The following TELO2 variants were observed in gnomAD, a reference collection of about 807,000 sequenced individuals.
The protein encoded by TELO2 is telomere maintenance 2, also known as telomere length regulation protein TEL2 homolog.
Under a neutral mutation model 91.0 loss-of-function variants are expected in TELO2, and 71 were observed. The ratio of observed to expected loss-of-function variants is 0.78; its 90% CI spans 0.64 to 0.95. The LOEUF is 0.95. Among genes scored for constraint, TELO2 ranks in the 40% least tolerant of loss-of-function variants. TELO2 has a pLI of 0.00. For synonymous variants in TELO2, 584 were observed against 518.9 expected, an observed-to-expected ratio of 1.13 and a Z score of -1.71; for missense variants, 1,183 against 1,141.3, an observed-to-expected ratio of 1.04 and a Z score of -0.53.
At position 1,502,743 on chromosome 16, in the gene TELO2, G is replaced by T. The variant is rs761765138; in HGVS notation, c.1752G>T (p.Thr584=). 6 of 1,612,208 alleles carry T rather than the reference G, an allele frequency of 3.7e-6. No homozygotes were observed. Among genetic ancestry groups the T allele is most frequent in the Admixed American group, 1.7e-5 (1 of 60,022 alleles). ...GCCAGAGAGCCCTGGTGGCCGTCACGGTCACAGACCCGGCCCCGGTGAGTT... is the reference window on the plus strand; with the variant it reads ...GCCAGAGAGCCCTGGTGGCCGTCACTGTCACAGACCCGGCCCCGGTGAGTT... The part of the protein sequence containing the change: ...GLRQRALVAV[T]VTDPAPVADY... The change falls in exon 14 of 21, where the codon ACG becomes ACT. Residue 584 remains threonine, a synonymous_variant. Coordinates refer to ENST00000262319, the MANE Select transcript of TELO2 (RefSeq NM_016111.4).
chr16:1,501,761 C>G lies in TELO2; in HGVS notation c.1460C>G (p.Ser487Trp), dbSNP rs554618494. 6.2e-7 allele frequency: 1 copy of G among 1,609,058 alleles called. No individual in the cohort carries two copies. Among genetic ancestry groups the G allele is most frequent in the South Asian group, 1.1e-5 (1 of 91,024 alleles). Residue 487 changes from serine to tryptophan, a missense_variant, in exon 11 of 21, where the codon TCG (serine) becomes TGG (tryptophan). Coordinates refer to ENST00000262319, the MANE Select transcript of TELO2 (RefSeq NM_016111.4). ...CAAGCACAGCTGGCGGGCTCTGACTCGGACCTGGACAGGTAGGGGCTCTGC... is the reference window on the plus strand; with the variant it reads ...CAAGCACAGCTGGCGGGCTCTGACTGGGACCTGGACAGGTAGGGGCTCTGC... ...VPQAQLAGSD[S>W]DLDSDDEFVP...
rs767362891 is a variant in TELO2, at chr16:1,494,587, G to A, written c.306G>A (p.Val102=). 1.2e-6 allele frequency: 2 copies of A among 1,613,406 alleles called. No individual in the cohort carries two copies. Among genetic ancestry groups the A allele is most frequent in the Non-Finnish European group, 1.7e-6 (2 of 1,179,870 alleles). ...GCCCGGCGGACCAAGCCTTCCTGGT[G>A]TTGATGGAGACCATCGAGGGTGCTG... The part of the protein sequence containing the change: ...LEGPADQAFL[V]LMETIEGAAG... Residue 102 remains valine, a synonymous_variant, in exon 2 of 21, where the codon GTG becomes GTA. Transcript: ENST00000262319. The surrounding 1 kb of genome is among the most constrained non-coding windows in gnomAD (Gnocchi z 5.6).
In TELO2 at chr16:1,505,304, G is replaced by C. The variant is rs1380083567; in HGVS notation, c.1843-106G>C. On this transcript the variant is annotated intron_variant, in intron 15 of 20. Transcript: ENST00000262319. The surrounding 1 kb of genome is among the most constrained non-coding windows in gnomAD (Gnocchi z 4.3). ...GTTCCCAGAACACACCTTCTCCCAG[G>C]CTGGGCGGGCCCCCGGGCCCGTTTC... 7.5e-6 allele frequency: 10 copies of C among 1,335,610 alleles called. No individual in the cohort carries two copies. The highest frequency in any genetic ancestry group is 2.6e-4 in the Middle Eastern group (1 of 3,894). 82.7% of individuals were successfully genotyped at this position (1,335,610 alleles called of 1,614,324 possible). A position where few individuals can be genotyped will look rare whatever the true frequency, so the allele number is the denominator to read the frequency against.
At chr16:1,496,211 A>T (rs2039487602) in intron 3 of TELO2, among the ~76,000 whole-genome samples, 1 of 152,110 alleles carries the variant, frequency 6.6e-6, no homozygotes, top group African/African-American at 2.4e-5. Flanking sequence ...CACCCTCCAC[A>T]TGCTGCCCCG....
intron 20 of TELO2, among the ~76,000 whole-genome samples, chr16:1,508,674 A>G (rs1392381825): frequency 1.3e-5 from 2 of 151,798 alleles, no homozygotes; most frequent in Non-Finnish European, 2.9e-5. Flanking sequence ...TGCCCCAGCC[A>G]TCTCCCCTCT....
chr16:1,508,189 G>T (rs1255027096), intron 20 of TELO2, among the ~76,000 whole-genome samples: 2 of 152,014 alleles, frequency 1.3e-5, no homozygotes, highest in Non-Finnish European at 2.9e-5. Context: ...CTGGAGTGCC[G>T]TGGCACAATC....
chr16:1,503,186 G>C (rs937191858), intron 15 of TELO2, among the ~76,000 whole-genome samples, 184 bp downstream of exon 15: 2 of 152,238 alleles, frequency 1.3e-5, no homozygotes, highest in Non-Finnish European at 2.9e-5. Context: ...GGGGCAGAGA[G>C]TTTTGTTTGT....
intron 15 of TELO2, among the ~76,000 whole-genome samples, chr16:1,504,433 C>CAAAAAAAAAAAA (rs1197074771): frequency 3.7e-5 from 1 of 26,922 alleles, no homozygotes; most frequent in Non-Finnish European, 7.9e-5. Context: ...GACTCCATCT[C>CAAAAAAAAAAAA]AAAAAAAAAA....
At chr16:1,504,321 T>C (rs2141056466) in intron 15 of TELO2, among the ~76,000 whole-genome samples, 1 of 146,194 alleles carries the variant, frequency 6.8e-6, no homozygotes, top group South Asian at 2.2e-4. Context: ...GTAGTCCCAG[T>C]TACGTGGGAG....
At chr16:1,498,113 CA>C (rs939970700) in intron 5 of TELO2, among the ~76,000 whole-genome samples, 4 of 151,530 alleles carry the variant, frequency 2.6e-5, no homozygotes, top group African/African-American at 9.7e-5. Flanking sequence ...CTCCTGGGTT[CA>C]AGTGATTCTC....
chr16:1,506,040 G>C (rs1343660795), intron 16 of TELO2, among the ~76,000 whole-genome samples, 198 bp from the exon 17 acceptor site: 1 of 152,246 alleles, frequency 6.6e-6, no homozygotes, highest in African/African-American at 2.4e-5. Context: ...CTGGTCTGCT[G>C]TCCAGGCATT....
Position 1,497,625 on chromosome 16 carries a change from A to G in TELO2, c.830+117A>G. 7 of 1,359,716 alleles carry G rather than the reference A, an allele frequency of 5.1e-6. No individual in the cohort carries two copies. Among genetic ancestry groups the G allele is most frequent in the Non-Finnish European group, 6.8e-6 (7 of 1,022,372 alleles). 84.2% of individuals were successfully genotyped at this position (1,359,716 alleles called of 1,614,324 possible). On this transcript the variant is annotated intron_variant, in intron 5 of 20. Coordinates refer to ENST00000262319, the MANE Select transcript of TELO2 (RefSeq NM_016111.4). The surrounding 1 kb of genome is among the most constrained non-coding windows in gnomAD (Gnocchi z 4.0). ...CGTGCTGCAGCTGGCACCCCCATGT[A>G]GGTGCCACAGGGTGTGGGTGGTGCC...
At chr16:1,496,193 C>T (rs2039486703) in intron 3 of TELO2, among the ~76,000 whole-genome samples, 1 of 152,232 alleles carries the variant, frequency 6.6e-6, no homozygotes, top group East Asian at 1.9e-4. Context: ...GCACCTGGGT[C>T]CGGACTCCAC....
Position 1,505,684 on chromosome 16 carries a change from C to T in TELO2, c.2034+83C>T, listed in dbSNP as rs930895142. 4 of 1,476,740 alleles carry T rather than the reference C, an allele frequency of 2.7e-6. No individual in the cohort carries two copies. The highest frequency in any genetic ancestry group is 3.6e-6 in the Non-Finnish European group (4 of 1,102,664). The allele number at this position is 1,476,740 out of a possible 1,614,324, so 91.5% of individuals were successfully genotyped here. On this transcript the variant is annotated intron_variant, in intron 16 of 20. Transcript: ENST00000262319. The surrounding 1 kb of genome is among the most constrained non-coding windows in gnomAD (Gnocchi z 4.3). ...GCGGTCAGACACCTCCAGGCGCTGT[C>T]TGCAGCGAGGGGCGGCCACATTCGC... is the stretch of plus-strand genomic sequence containing the variant.
rs1028980623 is a variant in TELO2 at position 1,493,628 on chromosome 16, G to C, written c.-37+23G>C. 6.6e-6 allele frequency: 1 copy of C among 152,354 alleles called. No homozygotes were observed. The highest frequency in any genetic ancestry group is 1.5e-5 in the Non-Finnish European group (1 of 68,136). The allele number at this position is 152,354 out of a possible 1,614,324, so 9.4% of individuals were successfully genotyped here. A position where few individuals can be genotyped will look rare whatever the true frequency, so the allele number is the denominator to read the frequency against. ...CAGGTCGGGTTGGGGGTCGGGGATC[G>C]GGGATCGGGGGTCCGGTTGGGTCGG... On this transcript the variant is annotated intron_variant, in intron 1 of 20. Coordinates refer to ENST00000262319, the MANE Select transcript of TELO2 (RefSeq NM_016111.4). This position sits in a 1 kb window ranked among gnomAD's most constrained non-coding sequence, Gnocchi z 4.3.
At chr16:1,502,593 T>C (rs2039731085) in intron 13 of TELO2, 52 bp from the exon 14 acceptor site, 2 of 1,586,658 alleles carry the variant, frequency 1.3e-6, no homozygotes, top group African/African-American at 2.7e-5. Context: ...CGGTGAGGCC[T>C]CGGCGGGCAG....
chr16:1,493,897 G>C lies in TELO2; in HGVS notation c.-37+292G>C, dbSNP rs772516190. 6.6e-6 allele frequency among the ~76,000 whole-genome samples: 1 copy of C among 152,234 alleles called. No homozygotes were observed. The highest frequency in any genetic ancestry group is 1.5e-5 in the Non-Finnish European group (1 of 68,036). On this transcript the variant is annotated intron_variant, in intron 1 of 20. Transcript: ENST00000262319. This position sits in a 1 kb window ranked among gnomAD's most constrained non-coding sequence, Gnocchi z 4.3. ...TCCCGCGGGCCGAGTTTCCCGCCTT[G>C]GGTGCGAGGACGCGTGGGGCCGCGC...
rs146959869 is a variant in TELO2, at chr16:1,500,622, G to A, written c.1204G>A (p.Val402Met). ...CCGCCTGGACAGTAGCCTGCCCCCC[G>A]TGCGACGCCTGGGCATGATCGTGGC... ...KCRLDSSLPP[V>M]RRLGMIVAEV... The change falls in exon 9 of 21, where the codon GTG becomes ATG. Residue 402 changes from valine (V) to methionine (M), a missense_variant. Transcript: ENST00000262319. The A allele has an allele frequency of 6.6e-5, 106 of 1,612,392 alleles. No homozygotes were observed. In the African/African-American group the frequency reaches 1.0e-3, roughly 16 times the overall value.
intron 20 of TELO2, among the ~76,000 whole-genome samples, chr16:1,509,451 C>T (rs532419603): frequency 2.6e-5 from 4 of 152,228 alleles, no homozygotes; most frequent in Non-Finnish European, 5.9e-5. Context: ...GAGGCCTCCC[C>T]ACAGGCGGGT....
Sources: allele counts gnomAD v4.1 joint callset (sites outside exome capture counted in the v4.1 genomes callset), GRCh38; gene constraint gnomAD v4.1.1; non-coding constraint Gnocchi (gnomAD v3.1); transcripts MANE v1.5; gene names NCBI Gene and HGNC (gene_info 2026-07-23, HGNC 2026-07-21).